Variants in LRRC69 observed in about 807,000 individuals in gnomAD.
The protein encoded by LRRC69 is leucine rich repeat containing 69.
Under a neutral mutation model 37.8 loss-of-function variants are expected in LRRC69, and 42 were observed. That is an observed-to-expected ratio of 1.11 (90% CI 0.87 to 1.44). The LOEUF (loss-of-function observed/expected upper bound fraction) is 1.44, where lower values mean the gene tolerates loss of function less well. Among genes scored for constraint, LRRC69 ranks in the 40% most tolerant of loss-of-function variants. The pLI, the probability that LRRC69 is intolerant of heterozygous loss-of-function variation, is 0.00. For missense variants in LRRC69, 357 were observed against 401.9 expected (o/e 0.89, Z 0.96); for synonymous variants, 141 against 143.1 (o/e 0.99, Z 0.11).
chr8:91,210,546 GAC>G (rs1166789108), intron 7 of LRRC69, among the ~76,000 whole-genome samples: 2 of 112,788 alleles, frequency 1.8e-5, no homozygotes, highest in Non-Finnish European at 3.6e-5. Flanking sequence ...TTTAAACACA[GAC>G]ACACACACAC....
Position 91,142,711 on chromosome 8 carries a change from C to T in LRRC69, c.651+6972C>T, listed in dbSNP as rs568668276. Among the ~76,000 whole-genome samples, 70 of 152,136 alleles carry T rather than the reference C, an allele frequency of 4.6e-4. No individual in the cohort carries two copies. In the South Asian group the frequency reaches 0.014, roughly 31 times the overall value. Reference sequence around the variant, plus strand: ...AAGTCCAGGAACTACACTTGGAAAACCATTGGCCTAAATGATGGAACAGTG... The same window carrying T: ...AAGTCCAGGAACTACACTTGGAAAATCATTGGCCTAAATGATGGAACAGTG... On this transcript the variant is annotated intron_variant, in intron 5 of 7. Coordinates refer to ENST00000448384, the Ensembl canonical transcript of LRRC69.
intron 6 of LRRC69, among the ~76,000 whole-genome samples, chr8:91,194,662 T>C (rs1195931685): frequency 1.3e-5 from 2 of 152,156 alleles, no homozygotes; most frequent in African/African-American, 4.8e-5. Flanking sequence ...TCTCTGATGG[T>C]AGTTTGTATT....
At chr8:91,161,943 G>T (rs1012757621) in intron 5 of LRRC69, among the ~76,000 whole-genome samples, 2 of 151,200 alleles carry the variant, frequency 1.3e-5, no homozygotes, top group African/African-American at 4.8e-5. Context: ...AATAGGTTTT[G>T]GTATGCAGTG....
intron 7 of LRRC69, among the ~76,000 whole-genome samples, chr8:91,210,757 G>T (rs1437816146): frequency 2.0e-5 from 3 of 152,016 alleles, no homozygotes; most frequent in Admixed American, 6.6e-5. Context: ...AATGGCATAA[G>T]AATATAGCAT....
intron 7 of LRRC69, among the ~76,000 whole-genome samples, chr8:91,216,128 C>A (rs1810041705): frequency 6.6e-6 from 1 of 152,096 alleles, no homozygotes; most frequent in South Asian, 2.1e-4. Context: ...AGAATAATCA[C>A]CTTCAAAGTT....
Position 91,124,405 on chromosome 8 carries a change from A to G in LRRC69, c.184-88A>G, listed in dbSNP as rs549843065. ...ATTTTGAAGTTTTCTTAGGTTACAT[A>G]GATGTGAGCAAGGGAGCTTAAATTA... On this transcript the variant is annotated intron_variant, in intron 1 of 7. Coordinates refer to ENST00000448384, the Ensembl canonical transcript of LRRC69. The G allele has an allele frequency of 1.8e-3, 1,814 of 1,001,598 alleles. 6 individuals are homozygous for G. Among genetic ancestry groups the G allele is most frequent in the Admixed American group, 2.4e-3 (63 of 25,994 alleles). 62.0% of individuals were successfully genotyped at this position (1,001,598 alleles called of 1,614,324 possible).
rs188319720 is a variant in LRRC69, at chr8:91,160,316, A to G, written c.651+24577A>G. Among the ~76,000 whole-genome samples, 634 of 150,054 alleles carry G rather than the reference A, an allele frequency of 4.2e-3. 8 individuals are homozygous for G. Among genetic ancestry groups the G allele is most frequent in the African/African-American group, 0.015 (617 of 41,100 alleles). On this transcript the variant is annotated intron_variant, in intron 5 of 7. Transcript: ENST00000448384. ...TAGTTTTTTGTTTTTTTTTTTAAAT[A>G]TATAAGATAATGTCATCTGCAAATA...
chr8:91,196,849 G>T (rs1173083976), intron 6 of LRRC69, among the ~76,000 whole-genome samples: 1 of 152,192 alleles, frequency 6.6e-6, no homozygotes, highest in African/African-American at 2.4e-5. Context: ...GCTTGTCAAA[G>T]TTGTTCTCCG....
At position 91,200,739 on chromosome 8, in the gene LRRC69, C is replaced by T. The variant is rs1232951490; in HGVS notation, c.880C>T (p.Gln294Ter). 1.9e-6 allele frequency: 3 copies of T among 1,539,076 alleles called. No individual in the cohort carries two copies. Among genetic ancestry groups the T allele is most frequent in the African/African-American group, 1.4e-5 (1 of 72,280 alleles). Residue 294 changes from glutamine (Q) to a stop codon, truncating the protein, a stop_gained, in exon 7 of 8, where the codon CAG (glutamine) becomes TAG (stop). Transcript: ENST00000448384. LOFTEE classifies it high-confidence loss of function. Reference sequence around the variant, plus strand: ...GGGAAAAACATGTGCAATATGTGGACAGTACTTTATAACCGTATGGCTGGA... The same window carrying T: ...GGGAAAAACATGTGCAATATGTGGATAGTACTTTATAACCGTATGGCTGGA...
At chr8:91,136,681 A>G (rs1239164737) in intron 5 of LRRC69, among the ~76,000 whole-genome samples, 1 of 151,936 alleles carries the variant, frequency 6.6e-6, no homozygotes, top group Admixed American at 6.6e-5. Flanking sequence ...TTGTACACCT[A>G]TTTTAGAAGT....
At chr8:91,112,080 A>G (rs185169942) in intron 1 of LRRC69, among the ~76,000 whole-genome samples, 352 of 152,154 alleles carry the variant, frequency 2.3e-3, no homozygotes, top group African/African-American at 8.2e-3. Flanking sequence ...TTAGTATTTA[A>G]TGAAAACAGA....
intron 6 of LRRC69, among the ~76,000 whole-genome samples, chr8:91,199,825 T>A (rs1050841175): frequency 6.6e-6 from 1 of 152,214 alleles, no homozygotes; most frequent in East Asian, 1.9e-4. Flanking sequence ...AGATTTAATT[T>A]TATGCATTAT....
intron 1 of LRRC69, among the ~76,000 whole-genome samples, chr8:91,104,554 C>A (rs1813274479): frequency 6.6e-6 from 1 of 151,878 alleles, no homozygotes; most frequent in South Asian, 2.1e-4. Flanking sequence ...CATTTTATTT[C>A]AAACTGTATA....
chr8:91,158,670 C>T, intron 5 of LRRC69: 1 of 1,261,280 alleles, frequency 7.9e-7, no homozygotes, highest in Non-Finnish European at 1.2e-6. Flanking sequence ...TTGGTTACTC[C>T]ACTGCCATGT....
intron 7 of LRRC69, among the ~76,000 whole-genome samples, chr8:91,215,346 CATATAA>C (rs1249211333): frequency 6.6e-6 from 1 of 151,990 alleles, no homozygotes; most frequent in Non-Finnish European, 1.5e-5. Flanking sequence ...TTTACTGTGC[CATATAA>C]ATATATATTG....
At chr8:91,197,437 C>G (rs1490996582) in intron 6 of LRRC69, among the ~76,000 whole-genome samples, 1 of 152,148 alleles carries the variant, frequency 6.6e-6, no homozygotes, top group East Asian at 1.9e-4. Flanking sequence ...CGCCCCTCCC[C>G]CAGCCTCGCT....
intron 7 of LRRC69, among the ~76,000 whole-genome samples, chr8:91,206,135 C>G (rs1313771079): frequency 6.6e-6 from 1 of 152,140 alleles, no homozygotes; most frequent in African/African-American, 2.4e-5. Context: ...TTTATTTCTA[C>G]AGAATGATAA....
At chr8:91,219,058 A>G (rs1810112189), downstream of LRRC69, 4 of 873,534 alleles carry the variant, frequency 4.6e-6, no homozygotes, top group Non-Finnish European at 7.2e-6. Flanking sequence ...CTCTGCATAC[A>G]CAGATTATGC....
intron 7 of LRRC69, among the ~76,000 whole-genome samples, chr8:91,208,287 A>G (rs1809841535): frequency 1.3e-5 from 2 of 152,108 alleles, no homozygotes; most frequent in Admixed American, 6.5e-5. Flanking sequence ...AGACCTGGTG[A>G]TGTGGATTTA....
Sources: allele counts gnomAD v4.1 joint callset (sites outside exome capture counted in the v4.1 genomes callset), GRCh38; gene constraint gnomAD v4.1.1; transcripts MANE v1.5; gene names NCBI Gene and HGNC (gene_info 2026-07-23, HGNC 2026-07-21).